Variants in PDE10A observed in about 807,000 individuals in gnomAD.
The protein encoded by PDE10A is cAMP and cAMP-inhibited cGMP 3',5'-cyclic phosphodiesterase 10A.
In PDE10A, 39 loss-of-function variants were observed where a neutral mutation model predicts 97.7. That is an observed-to-expected ratio of 0.40 (90% confidence interval 0.31 to 0.52). The LOEUF (loss-of-function observed/expected upper bound fraction) is 0.52, where lower values mean the gene tolerates loss of function less well. PDE10A is among the 20% of genes least tolerant of loss of function. The pLI is 0.56. For missense variants in PDE10A, 731 were observed against 1,047.8 expected (o/e 0.70, Z 4.17); for synonymous variants, 371 against 376.8 (o/e 0.98, Z 0.18).
intron 1 of PDE10A, among the ~76,000 whole-genome samples, chr6:165,714,876 G>C (rs1791987276): frequency 6.6e-6 from 1 of 152,218 alleles, no homozygotes; most frequent in South Asian, 2.1e-4. Flanking sequence ...GGGGACAATG[G>C]TCTGAGGCTC....
chr6:165,894,546 C>T lies in PDE10A; in HGVS notation c.-615+92983G>A, dbSNP rs749189036. On this transcript the variant is annotated intron_variant, in intron 1 of 19. Transcript: ENST00000366882. ...GAGTTTTAATAGACCACAAACTCAA[C>T]GGGGAGCCAAGAGTAGTTCTGGCTC... 2.1e-4 allele frequency: 97 copies of T among 455,772 alleles called. 2 individuals carry two copies. Among genetic ancestry groups the T allele is most frequent in the South Asian group, 1.2e-3 (80 of 64,550 alleles). The allele number at this position is 455,772 out of a possible 1,614,324, so 28.2% of individuals were successfully genotyped here.
intron 2 of PDE10A, among the ~76,000 whole-genome samples, chr6:165,525,446 T>C (rs1237335039): frequency 6.6e-6 from 1 of 152,092 alleles, no homozygotes; most frequent in Admixed American, 6.5e-5. Context: ...ATGCCTGATC[T>C]CCCTTGGGTT....
intron 18 of PDE10A, among the ~76,000 whole-genome samples, chr6:165,366,393 T>G (rs1783770964): frequency 6.6e-6 from 1 of 152,194 alleles, no homozygotes; most frequent in African/African-American, 2.4e-5. Flanking sequence ...ACTTTTCAGC[T>G]GATAAAGAGT....
intron 1 of PDE10A, among the ~76,000 whole-genome samples, chr6:165,907,644 C>A (rs1442731094): frequency 6.6e-6 from 1 of 152,176 alleles, no homozygotes; most frequent in Admixed American, 6.5e-5. Flanking sequence ...TGAGTGCCAT[C>A]GTGGTTTGTG....
chr6:165,554,255 CTA>C (rs1326829617), intron 1 of PDE10A, among the ~76,000 whole-genome samples: 1 of 152,054 alleles, frequency 6.6e-6, no homozygotes, highest in African/African-American at 2.4e-5. Context: ...TATTTGCAAA[CTA>C]TCACTCTGAC....
At chr6:165,932,844 G>T (rs946332453) in intron 1 of PDE10A, among the ~76,000 whole-genome samples, 4 of 152,338 alleles carry the variant, frequency 2.6e-5, no homozygotes, top group Middle Eastern at 3.4e-3. Flanking sequence ...TCAGGAAGTT[G>T]GTGCAAGAGC....
chr6:165,800,402 G>C (rs1583110153), intron 1 of PDE10A, among the ~76,000 whole-genome samples: 1 of 152,206 alleles, frequency 6.6e-6, no homozygotes. Context: ...TGTGCACACA[G>C]ACAGGAAGGG....
chr6:165,336,170 G>C lies in PDE10A; in HGVS notation c.3018C>G (p.Thr1006=). The change falls in exon 21 of 22, where the codon ACC becomes ACG. Residue 1006 remains threonine (T), a synonymous_variant. Transcript: ENST00000539869. ...CCGTGGGAGGGAGGATCTGGGTAAG[G>C]GTTGTATAGCAGGGAATGGCCACGG... ...YNAVAIPCYT[T]LTQILPPTEP... The C allele has an allele frequency of 6.2e-7, 1 of 1,614,044 alleles. No homozygotes were observed. The highest frequency in any genetic ancestry group is 8.5e-7 in the Non-Finnish European group (1 of 1,179,966).
intron 5 of PDE10A, among the ~76,000 whole-genome samples, chr6:165,438,858 C>T (rs1342956940): frequency 1.3e-5 from 2 of 150,350 alleles, no homozygotes; most frequent in African/African-American, 2.5e-5. Flanking sequence ...CTCAGGAGGC[C>T]GAGGTGGGAG....
intron 6 of PDE10A, among the ~76,000 whole-genome samples, chr6:165,433,380 A>G (rs969176092): frequency 1.3e-5 from 2 of 152,118 alleles, no homozygotes; most frequent in African/African-American, 4.8e-5. Flanking sequence ...AACGAATGAC[A>G]TATGTTAATT....
intron 19 of PDE10A, among the ~76,000 whole-genome samples, chr6:165,342,229 T>G (rs1225846456): frequency 6.6e-6 from 1 of 152,150 alleles, no homozygotes; most frequent in Non-Finnish European, 1.5e-5. Flanking sequence ...TTGTCATAGA[T>G]CTCCAAAAAA....
intron 2 of PDE10A, among the ~76,000 whole-genome samples, chr6:165,486,176 C>G (rs1387691864): frequency 1.3e-5 from 2 of 152,130 alleles, no homozygotes; most frequent in Admixed American, 6.5e-5. Flanking sequence ...AGCAAGGCAA[C>G]AATGCTTGTT....
rs1167192003 is a variant in PDE10A, at chr6:165,332,482, A to T, written c.*543T>A. The T allele has an allele frequency of 6.6e-6, 1 of 152,192 alleles. No homozygotes were observed. The highest frequency in any genetic ancestry group is 1.9e-4 in the East Asian group (1 of 5,192). The allele number at this position is 152,192 out of a possible 1,614,324, so 9.4% of individuals were successfully genotyped here. ...TTTTGCCATCATTTCTTACTCTGTA[A>T]CCTCAACGACATTTGTCCTGAGGCT... On this transcript the variant is annotated 3_prime_UTR_variant, in exon 22 of 22. Transcript: ENST00000539869.
At chr6:165,593,465 A>C (rs1042038416) in intron 1 of PDE10A, among the ~76,000 whole-genome samples, 2 of 152,076 alleles carry the variant, frequency 1.3e-5, no homozygotes, top group Non-Finnish European at 2.9e-5. Context: ...AAAAGTTCAA[A>C]ATGTCCTGGC....
chr6:165,734,266 G>A (rs1792510198), intron 1 of PDE10A, among the ~76,000 whole-genome samples: 1 of 152,112 alleles, frequency 6.6e-6, no homozygotes, highest in African/African-American at 2.4e-5. Context: ...GCTTCGGGGA[G>A]GTGACACGCC....
In PDE10A at chr6:165,691,202, C is replaced by T. The variant is rs201582613; in HGVS notation, c.-614-147634G>A. Reference sequence around the variant, plus strand: ...CTCTCTCTCTCCCTCTCTCTCTCTCCCCACACACACACACACACACACACA... The same window carrying T: ...CTCTCTCTCTCCCTCTCTCTCTCTCTCCACACACACACACACACACACACA... On this transcript the variant is annotated intron_variant, in intron 1 of 19. Transcript: ENST00000366882. 2.9e-5 allele frequency among the ~76,000 whole-genome samples: 3 copies of T among 103,538 alleles called. No homozygotes were observed. The East Asian group carries it at 8.8e-4, about 30-fold the overall frequency. 67.9% of individuals were successfully genotyped at this position (103,538 alleles called of 152,430 possible). A position where few individuals can be genotyped will look rare whatever the true frequency, so the allele number is the denominator to read the frequency against.
At chr6:165,685,611 C>A (rs76753172) in intron 1 of PDE10A, among the ~76,000 whole-genome samples, 2,506 of 152,222 alleles carry the variant, frequency 0.016, 31 homozygotes, top group Middle Eastern at 0.037. Flanking sequence ...CTGGCAGCTT[C>A]TCCATCACAG....
chr6:165,343,873 G>A (rs1010536087), intron 18 of PDE10A, among the ~76,000 whole-genome samples: 6 of 152,174 alleles, frequency 3.9e-5, no homozygotes, highest in African/African-American at 1.4e-4. Context: ...GTGGGAAGAC[G>A]TCTTAAGAGA....
At chr6:165,908,948 A>T (rs748433531) in intron 1 of PDE10A, 1 of 152,170 alleles carries the variant, frequency 6.6e-6, no homozygotes, top group Non-Finnish European at 1.5e-5. Context: ...GCCTCCTAGA[A>T]ACTCGGCTTT....
Sources: gnomAD v4.1 joint callset for allele counts (sites outside exome capture counted in the v4.1 genomes callset) on GRCh38, gnomAD v4.1.1 for gene constraint, MANE v1.5 for transcripts, NCBI Gene and HGNC (gene_info 2026-07-23, HGNC 2026-07-21) for gene names.